LARP1: variants seen among roughly 807,000 people sequenced by gnomAD.
LARP1 encodes La ribonucleoprotein 1, translational regulator.
In LARP1, 36 loss-of-function variants were observed where a neutral mutation model predicts 122.7. The observed-to-expected ratio is 0.29, with a 90% CI of 0.22 to 0.39. The LOEUF (loss-of-function observed/expected upper bound fraction) is 0.39, where lower values mean the gene tolerates loss of function less well. Ranked by LOEUF, LARP1 falls within the 10% of genes least tolerant of loss-of-function variation. LARP1 has a pLI of 1.00. For missense variants in LARP1, 1,040 were observed against 1,403.6 expected (o/e 0.74, Z 4.14); for synonymous variants, 539 against 528.7 (o/e 1.02, Z -0.27).
chr5:154,793,527 G>T (rs979840605), intron 4 of LARP1, 68 bp from the exon 5 acceptor site: 4 of 1,602,440 alleles, frequency 2.5e-6, no homozygotes, highest in Non-Finnish European at 3.4e-6. Context: ...AAGAAGAGGA[G>T]TTGGGTAGAG....
chr5:154,814,838 T>C lies in LARP1; in HGVS notation c.*742T>C, dbSNP rs1759558077. The C allele has an allele frequency of 6.6e-6, 1 of 151,486 alleles. No individual in the cohort carries two copies. Among genetic ancestry groups the C allele is most frequent in the Non-Finnish European group, 1.5e-5 (1 of 67,912 alleles). The allele number at this position is 151,486 out of a possible 1,614,324, so 9.4% of individuals were successfully genotyped here. ...TGTTTTATTTTATTTTTCTCTGACCTTTCCATCCTTGAAAAAATGGGGAAA... is the reference window on the plus strand; with the variant it reads ...TGTTTTATTTTATTTTTCTCTGACCCTTCCATCCTTGAAAAAATGGGGAAA... On this transcript the variant is annotated 3_prime_UTR_variant, in exon 19 of 19. Coordinates refer to ENST00000518297, the MANE Select transcript of LARP1 (RefSeq NM_033551.3).
intron 1 of LARP1, among the ~76,000 whole-genome samples, chr5:154,778,550 G>A (rs900769935): frequency 2.0e-5 from 3 of 152,136 alleles, no homozygotes; most frequent in African/African-American, 4.8e-5. Flanking sequence ...CTGGAAAGCC[G>A]GCTGCATTTA....
Position 154,803,780 on chromosome 5 carries a change from G to T in LARP1, c.2439+35G>T. ...TCCTGTCGGGCTGCTCAGAGTCTTG[G>T]GTCTACTTCATTGCATTCCAGTGCT... On this transcript the variant is annotated intron_variant, in intron 13 of 18. Coordinates refer to ENST00000518297, the MANE Select transcript of LARP1 (RefSeq NM_033551.3). The surrounding 1 kb of genome is among the most constrained non-coding windows in gnomAD (Gnocchi z 4.4). 1 of 1,594,392 alleles carries T rather than the reference G, an allele frequency of 6.3e-7. No individual in the cohort carries two copies. The highest frequency in any genetic ancestry group is 8.6e-7 in the Non-Finnish European group (1 of 1,162,442).
intron 1 of LARP1, among the ~76,000 whole-genome samples, chr5:154,706,487 G>C (rs1340306629): frequency 3.9e-5 from 6 of 151,994 alleles, no homozygotes; most frequent in African/African-American, 1.2e-4. Context: ...GTTCTCACTT[G>C]TAAGTGGGAG....
rs139953437 is a variant in LARP1 at position 154,766,660 on chromosome 5, T to G, written c.436+10467T>G. Among the ~76,000 whole-genome samples the G allele has an allele frequency of 2.5e-3, 380 of 152,258 alleles. 3 individuals carry two copies. The highest frequency in any genetic ancestry group is 8.5e-3 in the African/African-American group (355 of 41,558). ...AGGGGCAGTGGGGCAGGCTTCCAGG[T>G]GGCAGTCGGCCCCCTTCTCCTGGGG... On this transcript the variant is annotated intron_variant, in intron 1 of 18. Transcript: ENST00000518297.
At position 154,745,162 on chromosome 5, in the gene LARP1, G is replaced by A. The variant is rs564980930; in HGVS notation, c.205+32032G>A. ...AGGATGGTCTCGATCTCTTGACCTC[G>A]TGATCCGCCCGCCTCGGCCTCCCAA... On this transcript the variant is annotated intron_variant, in intron 1 of 18. Coordinates refer to the LARP1 transcript ENST00000336314. Among the ~76,000 whole-genome samples the A allele has an allele frequency of 1.6e-3, 238 of 151,550 alleles. 1 individual carries two copies. The highest frequency in any genetic ancestry group is 5.6e-3 in the African/African-American group (230 of 41,282).
At chr5:154,702,027 T>G (rs1395562503) in intron 1 of LARP1, among the ~76,000 whole-genome samples, 1 of 151,886 alleles carries the variant, frequency 6.6e-6, no homozygotes, top group Non-Finnish European at 1.5e-5. Flanking sequence ...CAGGATTGAG[T>G]GATGGAGACA....
chr5:154,766,682 G>C (rs1225405741), intron 1 of LARP1, among the ~76,000 whole-genome samples: 1 of 152,170 alleles, frequency 6.6e-6, no homozygotes, highest in Non-Finnish European at 1.5e-5. Flanking sequence ...CCCTTCTCCT[G>C]GGGTGGTCCA....
chr5:154,685,694 G>T, intron 1 of LARP1: 1 of 396,780 alleles, frequency 2.5e-6, no homozygotes, highest in Non-Finnish European at 4.9e-6. Flanking sequence ...AAAAGGGGTC[G>T]GGCACAGTGG....
chr5:154,746,724 C>A (rs1753215108), intron 1 of LARP1, among the ~76,000 whole-genome samples: 1 of 152,214 alleles, frequency 6.6e-6, no homozygotes, highest in African/African-American at 2.4e-5. Context: ...ACTGGCTGGG[C>A]ACTGTGGCTC....
chr5:154,737,635 A>G (rs6876004), intron 1 of LARP1, among the ~76,000 whole-genome samples: 100,860 of 151,432 alleles, frequency 0.67, 34,571 homozygotes, highest in African/African-American at 0.78. Context: ...TAGAGACGGG[A>G]TTTCACCTTG....
intron 1 of LARP1, among the ~76,000 whole-genome samples, chr5:154,688,960 T>A (rs1754063760): frequency 6.6e-6 from 1 of 152,238 alleles, no homozygotes; most frequent in South Asian, 2.1e-4. Context: ...CATAAAAAAT[T>A]AAATTCAGAA....
At chr5:154,748,597 A>C (rs576607885) in intron 1 of LARP1, among the ~76,000 whole-genome samples, 5 of 152,334 alleles carry the variant, frequency 3.3e-5, no homozygotes, top group Admixed American at 2.6e-4. Context: ...AATTCAGGAC[A>C]AGTGGAAGTG....
chr5:154,741,072 A>C (rs896517901), intron 1 of LARP1, among the ~76,000 whole-genome samples: 5 of 152,262 alleles, frequency 3.3e-5, no homozygotes, highest in South Asian at 2.1e-4. Flanking sequence ...TCCCCAGTCC[A>C]GGGACTGGGG....
At chr5:154,734,413 T>G (rs1053054798) in intron 1 of LARP1, among the ~76,000 whole-genome samples, 3 of 152,152 alleles carry the variant, frequency 2.0e-5, no homozygotes, top group African/African-American at 7.2e-5. Flanking sequence ...AGTAACAAAA[T>G]GTTCCCTAAA....
chr5:154,688,386 G>A (rs921315835), intron 1 of LARP1, among the ~76,000 whole-genome samples: 5 of 152,044 alleles, frequency 3.3e-5, no homozygotes, highest in East Asian at 1.9e-4. Context: ...CAGGCCAGGC[G>A]AGGTGGGTCA....
Position 154,735,818 on chromosome 5 carries a change from G to A in LARP1, c.205+22688G>A, listed in dbSNP as rs145331932. 8.6e-3 allele frequency among the ~76,000 whole-genome samples: 1,305 copies of A among 151,856 alleles called. 15 individuals are homozygous for A. The highest frequency in any genetic ancestry group is 0.03 in the African/African-American group (1,237 of 41,424). On this transcript the variant is annotated intron_variant, in intron 1 of 18. Coordinates refer to the LARP1 transcript ENST00000336314. ...ACTCCTGACCTCAGGTGATCTGCCC[G>A]CCTTGGCCTCCTAAAGTGCTGGGAT...
At position 154,803,969 on chromosome 5, in the gene LARP1, C is replaced by T. The variant is rs886862087; in HGVS notation, c.2439+224C>T. ...TGTTGAAAGGCCTAAGGAGGATTGA[C>T]CAGGTATGAGTCCTTGGGCAAATCA... On this transcript the variant is annotated intron_variant, in intron 13 of 18. Transcript: ENST00000518297. This position sits in a 1 kb window ranked among gnomAD's most constrained non-coding sequence, Gnocchi z 4.4. Among the ~76,000 whole-genome samples, 7 of 152,142 alleles carry T rather than the reference C, an allele frequency of 4.6e-5. No individual in the cohort carries two copies. Among genetic ancestry groups the T allele is most frequent in the African/African-American group, 1.4e-4 (6 of 41,426 alleles).
intron 1 of LARP1, among the ~76,000 whole-genome samples, chr5:154,722,648 G>A (rs893974047): frequency 2.6e-5 from 4 of 151,238 alleles, no homozygotes; most frequent in Admixed American, 6.6e-5. Context: ...GAATGTTAGA[G>A]GTGAAAGGGA....
Sources: gnomAD v4.1 joint callset for allele counts (sites outside exome capture counted in the v4.1 genomes callset) on GRCh38, gnomAD v4.1.1 for gene constraint, Gnocchi (gnomAD v3.1) non-coding constraint, MANE v1.5 for transcripts, NCBI Gene and HGNC (gene_info 2026-07-23, HGNC 2026-07-21) for gene names.